Variants in ALMS1 observed in about 807,000 individuals in gnomAD.
ALMS1 encodes the protein centrosome-associated protein ALMS1.
In ALMS1, 271 loss-of-function variants were observed where a neutral mutation model predicts 352.2. That is an observed-to-expected ratio of 0.77 (90% confidence interval 0.70 to 0.85). The LOEUF (loss-of-function observed/expected upper bound fraction) is 0.85. ALMS1 is among the 40% of genes least tolerant of loss of function. The pLI is 0.00. For missense variants in ALMS1, 5,445 were observed against 4,870.7 expected, an observed-to-expected ratio of 1.12 and a Z score of -3.51; for synonymous variants, 1,865 against 1,761.2, an observed-to-expected ratio of 1.06 and a Z score of -1.48.
chr2:73,546,747 TG>T (rs1332846936), intron 12 of ALMS1, among the ~76,000 whole-genome samples: 16 of 152,190 alleles, frequency 1.1e-4, no homozygotes, highest in Non-Finnish European at 8.8e-5. Context: ...GGGAAGAAGA[TG>T]GGGAAAGCCC....
chr2:73,449,931 G>T lies in ALMS1; in HGVS notation c.3404G>T (p.Gly1135Val), dbSNP rs1465416530. 1 of 1,613,734 alleles carries T rather than the reference G, an allele frequency of 6.2e-7. No individual in the cohort carries two copies. Among genetic ancestry groups the T allele is most frequent in the Non-Finnish European group, 8.5e-7 (1 of 1,179,942 alleles). ...CCTGGACTAGCAGACCAGAAGACTGGCACACCAACTGTAACCTCAACTTCC... is the reference window on the plus strand; with the variant it reads ...CCTGGACTAGCAGACCAGAAGACTGTCACACCAACTGTAACCTCAACTTCC... ...VAPGLADQKT[G>V]TPTVTSTSYS... Residue 1135 changes from glycine (G) to valine (V), a missense_variant, in exon 8 of 23, where the codon GGC (glycine) becomes GTC (valine). Transcript: ENST00000613296.
rs1434010689 is a variant in ALMS1, at chr2:73,491,150, T to C, written c.9191T>C (p.Leu3064Ser). Residue 3064 changes from leucine to serine, a missense_variant, in exon 10 of 23, where the codon TTA becomes TCA. By Grantham distance (145) the Leu-to-Ser change is moderately radical. Coordinates refer to ENST00000613296, the MANE Select transcript of ALMS1 (RefSeq NM_001378454.1). ...TCTTCCAAGTTGGATAGTGGAACTT[T>C]AGATGAAAGATTCCATTCATTGGAT... ...KTSSKLDSGT[L>S]DERFHSLDAA... The C allele has an allele frequency of 9.9e-6, 16 of 1,614,094 alleles. No individual in the cohort carries two copies. The highest frequency in any genetic ancestry group is 9.9e-5 in the South Asian group (9 of 91,084).
chr2:73,408,864 C>CA, intron 2 of ALMS1, 117 bp downstream of exon 2: 1 of 187,556 alleles, frequency 5.3e-6, no homozygotes, highest in Non-Finnish European at 8.9e-6. Flanking sequence ...GTTTTCTTGT[C>CA]TTTTTTTTTT....
At chr2:73,585,638 C>T (rs2104144675) in intron 16 of ALMS1, among the ~76,000 whole-genome samples, 1 of 151,852 alleles carries the variant, frequency 6.6e-6, no homozygotes, top group South Asian at 2.1e-4. Context: ...TCGTGATCTG[C>T]CTACCTCAGC....
chr2:73,411,411 T>C lies in ALMS1; in HGVS notation c.450+2664T>C, dbSNP rs538474209. 2.0e-3 allele frequency among the ~76,000 whole-genome samples: 304 copies of C among 152,242 alleles called. 1 individual carries two copies. The highest frequency in any genetic ancestry group is 7.0e-3 in the African/African-American group (289 of 41,550). On this transcript the variant is annotated intron_variant, in intron 2 of 22. Transcript: ENST00000613296. ...TGCGAGATAATAAATTTCTGTTGTT[T>C]TAAGCCACTTAGTTTGTGTCACTTT...
chr2:73,541,059 C>T (rs1674166399), intron 12 of ALMS1, among the ~76,000 whole-genome samples: 1 of 152,218 alleles, frequency 6.6e-6, no homozygotes. Flanking sequence ...CCCAAATCAA[C>T]AGAATATACA....
chr2:73,589,010 T>C (rs1020902791), intron 16 of ALMS1, among the ~76,000 whole-genome samples: 5 of 152,114 alleles, frequency 3.3e-5, no homozygotes, highest in Non-Finnish European at 7.4e-5. Context: ...CATACCTATG[T>C]GTATATATAT....
At chr2:73,544,906 C>T (rs561163249) in intron 12 of ALMS1, among the ~76,000 whole-genome samples, 2 of 152,122 alleles carry the variant, frequency 1.3e-5, no homozygotes, top group Non-Finnish European at 2.9e-5. Context: ...CATGCTACAA[C>T]ATGGATGAAC....
chr2:73,426,474 A>C lies in ALMS1; in HGVS notation c.1259A>C (p.Glu420Ala), dbSNP rs1300820006. 3.1e-6 allele frequency: 5 copies of C among 1,614,146 alleles called. No individual in the cohort carries two copies. Among genetic ancestry groups the C allele is most frequent in the Non-Finnish European group, 3.4e-6 (4 of 1,179,958 alleles). ...GTAGAGGGCCTGCAGGGGAAGGTTG[A>C]GTCTGACGTCATTACTCTGGATGGC... ...YLTKGLQGKV[E>A]SDVITLDGLN... The change falls in exon 6 of 23, where the codon GAG becomes GCG. Residue 420 changes from glutamate to alanine, a missense_variant. Transcript: ENST00000613296.
chr2:73,572,739 A>G lies in ALMS1; in HGVS notation c.10862A>G (p.Lys3621Arg), dbSNP rs1288339942. The G allele has an allele frequency of 1.9e-6, 3 of 1,614,130 alleles. No individual in the cohort carries two copies. Among genetic ancestry groups the G allele is most frequent in the Non-Finnish European group, 8.5e-7 (1 of 1,180,002 alleles). ...QQRQPELGDR[K>R]ELSLVDRLDR... ...AGACAGCCTGAGTTGGGTGACAGGAAAGAACTGTCCTTGGTGGACCGACTT... is the reference window on the plus strand; with the variant it reads ...AGACAGCCTGAGTTGGGTGACAGGAGAGAACTGTCCTTGGTGGACCGACTT... Residue 3621 changes from lysine to arginine, a missense_variant, in exon 16 of 23, where the codon AAA (lysine) becomes AGA (arginine). Coordinates refer to ENST00000613296, the MANE Select transcript of ALMS1 (RefSeq NM_001378454.1).
chr2:73,497,037 A>G (rs1673121036), intron 10 of ALMS1, among the ~76,000 whole-genome samples: 1 of 152,168 alleles, frequency 6.6e-6, no homozygotes, highest in South Asian at 2.1e-4. Context: ...GCTTTCAAAA[A>G]ACAAAGGTGT....
chr2:73,440,759 T>A (rs1288857214), intron 7 of ALMS1, among the ~76,000 whole-genome samples: 2 of 152,186 alleles, frequency 1.3e-5, no homozygotes, highest in African/African-American at 4.8e-5. Context: ...ATTTTCCTGG[T>A]TCTTAGTGGT....
rs1183007080 is a variant in ALMS1, at chr2:73,490,500, G to T, written c.8541G>T (p.Met2847Ile). Residue 2847 changes from methionine (M) to isoleucine (I), a missense_variant, in exon 10 of 23, where the codon ATG (methionine) becomes ATT (isoleucine). Physicochemically the swap from Met to Ile is conservative, Grantham distance 10. Coordinates refer to ENST00000613296, the MANE Select transcript of ALMS1 (RefSeq NM_001378454.1). ...QISDNHTLIS[M>I]GRPSSTLGVN... ...CTGATAACCATACCCTTATTAGCATGGGCAGACCAAGTTCCACCCTAGGAG... is the reference window on the plus strand; with the variant it reads ...CTGATAACCATACCCTTATTAGCATTGGCAGACCAAGTTCCACCCTAGGAG... The T allele has an allele frequency of 6.2e-7, 1 of 1,613,988 alleles. No individual in the cohort carries two copies. Among genetic ancestry groups the T allele is most frequent in the African/African-American group, 1.3e-5 (1 of 74,916 alleles).
chr2:73,452,040 A>G lies in ALMS1; in HGVS notation c.5513A>G (p.Asp1838Gly). 6.2e-7 allele frequency: 1 copy of G among 1,614,090 alleles called. No homozygotes were observed. Among genetic ancestry groups the G allele is most frequent in the Non-Finnish European group, 8.5e-7 (1 of 1,179,990 alleles). The change falls in exon 8 of 23, where the codon GAC (aspartate) becomes GGC (glycine). Residue 1838 changes from aspartate to glycine, a missense_variant. By Grantham distance (94) the Asp-to-Gly change is moderately conservative. Transcript: ENST00000613296. ...LKILRVPGPA[D>G]QKTGINILPS... ...ATTTTAAGAGTTCCTGGACCAGCTG[A>G]CCAGAAGACTGGAATAAACATCCTG...
intron 12 of ALMS1, among the ~76,000 whole-genome samples, chr2:73,543,333 A>G (rs1050216647): frequency 5.3e-5 from 8 of 152,234 alleles, no homozygotes; most frequent in African/African-American, 1.9e-4. Flanking sequence ...CTGAAAGTGG[A>G]TCCCTTCCTT....
At chr2:73,594,398 A>G (rs1415767137) in intron 16 of ALMS1, among the ~76,000 whole-genome samples, 1 of 152,266 alleles carries the variant, frequency 6.6e-6, no homozygotes, top group East Asian at 1.9e-4. Flanking sequence ...AAACATTCCA[A>G]GGCTCCTCAT....
chr2:73,523,034 A>G (rs1673717501), intron 11 of ALMS1, among the ~76,000 whole-genome samples: 1 of 152,158 alleles, frequency 6.6e-6, no homozygotes, highest in Non-Finnish European at 1.5e-5. Flanking sequence ...AAGATCTTCC[A>G]TCTAACAACA....
intron 1 of ALMS1, among the ~76,000 whole-genome samples, chr2:73,397,624 C>T (rs956554100): frequency 2.6e-5 from 4 of 152,112 alleles, no homozygotes; most frequent in Non-Finnish European, 4.4e-5. Context: ...TATGCCACCA[C>T]GCTCAGCTAA....
At chr2:73,485,445 G>A (rs906095845) in intron 9 of ALMS1, among the ~76,000 whole-genome samples, 6 of 151,934 alleles carry the variant, frequency 3.9e-5, no homozygotes, top group Admixed American at 6.6e-5. Flanking sequence ...CAGATCTCCA[G>A]CTGTGTGCTG....
Sources: allele counts gnomAD v4.1 joint callset (sites outside exome capture counted in the v4.1 genomes callset), GRCh38; gene constraint gnomAD v4.1.1; transcripts MANE v1.5; gene names NCBI Gene and HGNC (gene_info 2026-07-23, HGNC 2026-07-21).